The following NBEA variants were observed in gnomAD, a reference collection of about 807,000 sequenced individuals.
NBEA encodes neurobeachin.
Under a neutral mutation model 343.4 loss-of-function variants are expected in NBEA, and 44 were observed. The observed-to-expected ratio is 0.13, with a 90% CI of 0.10 to 0.16. NBEA has a LOEUF of 0.16. NBEA is among the 10% of genes least tolerant of loss of function. The pLI, the probability that NBEA is intolerant of heterozygous loss-of-function variation, is 1.00. For synonymous variants in NBEA, 1,175 were observed against 1,238.7 expected (o/e 0.95, Z 1.08); for missense variants, 2,555 against 3,631.3 (o/e 0.70, Z 7.62).
chr13:35,283,772 T>G (rs1372784430), intron 34 of NBEA, among the ~76,000 whole-genome samples: 3 of 152,054 alleles, frequency 2.0e-5, no homozygotes, highest in Non-Finnish European at 2.9e-5. Context: ...CAGGGGAAAT[T>G]TTGCTGATAA....
chr13:35,606,873 A>T (rs568133329), intron 48 of NBEA, among the ~76,000 whole-genome samples: 1 of 152,282 alleles, frequency 6.6e-6, no homozygotes, highest in Admixed American at 6.5e-5. Context: ...ATGTATTCTA[A>T]AGTGCTTAAA....
intron 36 of NBEA, among the ~76,000 whole-genome samples, chr13:35,325,585 C>T (rs751495361): frequency 6.6e-6 from 1 of 151,852 alleles, no homozygotes; most frequent in African/African-American, 2.4e-5. Flanking sequence ...CCATCATAAG[C>T]ATAGGTGCAA....
chr13:35,338,265 G>A (rs1350578091), intron 36 of NBEA, among the ~76,000 whole-genome samples: 1 of 151,690 alleles, frequency 6.6e-6, no homozygotes, highest in Non-Finnish European at 1.5e-5. Context: ...AATGAAAGTA[G>A]GAATATTATT....
chr13:34,962,844 GTC>G (rs1566095410), intron 1 of NBEA, among the ~76,000 whole-genome samples: 1 of 152,066 alleles, frequency 6.6e-6, no homozygotes, highest in African/African-American at 2.4e-5. Context: ...ATCAGAACAA[GTC>G]TCTCTTCCGG....
At chr13:35,622,117 G>A (rs1475901687) in intron 48 of NBEA, among the ~76,000 whole-genome samples, 1 of 152,154 alleles carries the variant, frequency 6.6e-6, no homozygotes, top group African/African-American at 2.4e-5. Context: ...TGAGTAAGAA[G>A]GATGAGTAGG....
intron 19 of NBEA, 113 bp from the exon 20 acceptor site, chr13:35,155,970 A>G (rs2069144613): frequency 2.0e-6 from 3 of 1,474,382 alleles, no homozygotes; most frequent in Non-Finnish European, 2.8e-6. Context: ...AGTTCATGAC[A>G]GTTTTAACTC....
chr13:35,366,421 G>T (rs905366896), intron 38 of NBEA, among the ~76,000 whole-genome samples: 2 of 150,900 alleles, frequency 1.3e-5, no homozygotes, highest in Admixed American at 1.3e-4. Context: ...ATTAAAAAAA[G>T]AAAATAGATA....
chr13:35,171,570 A>T (rs555855879), intron 26 of NBEA, 118 bp downstream of exon 26: 24 of 818,508 alleles, frequency 2.9e-5, no homozygotes, highest in Non-Finnish European at 4.0e-5. Context: ...TATGGAGATT[A>T]TCTTGAGATA....
chr13:35,144,497 G>C (rs910754294), intron 18 of NBEA, among the ~76,000 whole-genome samples: 2 of 151,966 alleles, frequency 1.3e-5, no homozygotes, highest in Non-Finnish European at 2.9e-5. Flanking sequence ...GGCTTTTCAG[G>C]GTCTTGTCAA....
intron 41 of NBEA, among the ~76,000 whole-genome samples, chr13:35,482,484 A>G (rs1209440909): frequency 2.6e-5 from 4 of 151,562 alleles, no homozygotes; most frequent in Admixed American, 6.6e-5. Context: ...TGATTTGTCA[A>G]AAATATCAAT....
intron 36 of NBEA, among the ~76,000 whole-genome samples, chr13:35,347,667 C>T (rs2039961972): frequency 6.6e-6 from 1 of 151,684 alleles, no homozygotes; most frequent in East Asian, 1.9e-4. Flanking sequence ...ATTATCTTCC[C>T]CTCCTCTTCC....
intron 41 of NBEA, among the ~76,000 whole-genome samples, chr13:35,533,010 A>T (rs562890366): frequency 2.6e-5 from 4 of 152,266 alleles, no homozygotes; most frequent in Admixed American, 2.6e-4. Context: ...GCATAAATTC[A>T]TAGAAATAAA....
intron 48 of NBEA, among the ~76,000 whole-genome samples, chr13:35,624,769 G>T (rs2083146919): frequency 6.6e-6 from 1 of 151,752 alleles, no homozygotes; most frequent in South Asian, 2.1e-4. Flanking sequence ...AATAAATTAA[G>T]ATAATAATAG....
intron 35 of NBEA, 93 bp downstream of exon 35, chr13:35,290,543 A>T: frequency 2.4e-6 from 2 of 825,796 alleles, no homozygotes; most frequent in Non-Finnish European, 3.9e-6. Context: ...GTATGTTTAT[A>T]TATTTTTAAA....
intron 38 of NBEA, among the ~76,000 whole-genome samples, chr13:35,404,149 T>C (rs1242391429): frequency 6.6e-6 from 1 of 152,156 alleles, no homozygotes; most frequent in East Asian, 1.9e-4. Flanking sequence ...TTTTACACTG[T>C]TGGTGGGACT....
chr13:35,115,424 C>T (rs367724566), intron 13 of NBEA, among the ~76,000 whole-genome samples: 11 of 152,054 alleles, frequency 7.2e-5, no homozygotes, highest in African/African-American at 1.9e-4. Context: ...TATTCTCATG[C>T]GTGTTCACAC....
At chr13:35,605,510 A>G (rs1476003442) in intron 47 of NBEA, among the ~76,000 whole-genome samples, 1 of 152,206 alleles carries the variant, frequency 6.6e-6, no homozygotes, top group Non-Finnish European at 1.5e-5. Flanking sequence ...TGTTGATCAT[A>G]TTACACAAAT....
chr13:34,988,652 G>C (rs1330741051), intron 1 of NBEA, among the ~76,000 whole-genome samples: 1 of 150,990 alleles, frequency 6.6e-6, no homozygotes, highest in African/African-American at 2.4e-5. Flanking sequence ...GACCAGAGCT[G>C]TTCCTATTCG....
At chr13:35,662,661 C>G (rs1324795077) in intron 55 of NBEA, among the ~76,000 whole-genome samples, 1 of 151,998 alleles carries the variant, frequency 6.6e-6, no homozygotes, top group Non-Finnish European at 1.5e-5. Flanking sequence ...CTGGGGAAAT[C>G]GTAATGAAAA....
Sources: allele counts gnomAD v4.1 joint callset (sites outside exome capture counted in the v4.1 genomes callset), GRCh38; gene constraint gnomAD v4.1.1; transcripts MANE v1.5; gene names NCBI Gene and HGNC (gene_info 2026-07-23, HGNC 2026-07-21).